Variants in RPSA2 observed in about 807,000 individuals in gnomAD.
The protein encoded by RPSA2 is small ribosomal subunit protein uS2B.
the RPSA2 span, among the ~76,000 whole-genome samples, chr19:23,862,496 A>G: frequency 6.6e-6 from 1 of 151,836 alleles, no homozygotes; most frequent in Non-Finnish European, 1.5e-5. Context: ...CCCATTCAGT[A>G]TGATATTGGC....
the RPSA2 span, among the ~76,000 whole-genome samples, chr19:23,781,633 C>T: frequency 6.6e-6 from 1 of 152,118 alleles, no homozygotes; most frequent in Non-Finnish European, 1.5e-5. Flanking sequence ...GCCACCATGC[C>T]CAGCCTAAGG....
chr19:23,766,203 AGTGCAGTG>A, the RPSA2 span, among the ~76,000 whole-genome samples: 1 of 119,514 alleles, frequency 8.4e-6, no homozygotes, highest in African/African-American at 3.3e-5. Flanking sequence ...CCCAGGCTAG[AGTGCAGTG>A]GTGCAGTCTC....
At chr19:23,839,795 C>T in the RPSA2 span, among the ~76,000 whole-genome samples, 2 of 152,196 alleles carry the variant, frequency 1.3e-5, no homozygotes, top group Non-Finnish European at 2.9e-5. Flanking sequence ...CCTGTTGCCT[C>T]CTGAACCCCT....
the RPSA2 span, among the ~76,000 whole-genome samples, chr19:23,866,016 GA>G: frequency 1.3e-5 from 2 of 152,174 alleles, no homozygotes; most frequent in Non-Finnish European, 2.9e-5. Context: ...AATGTGTGCA[GA>G]CCAGGCTAGG....
the RPSA2 span, among the ~76,000 whole-genome samples, chr19:23,816,211 TG>T: frequency 6.6e-6 from 1 of 152,140 alleles, no homozygotes; most frequent in Non-Finnish European, 1.5e-5. Flanking sequence ...CATGGCTCAC[TG>T]CAGCCTCAAC....
the RPSA2 span, among the ~76,000 whole-genome samples, chr19:23,779,832 A>G: frequency 4.6e-5 from 7 of 152,322 alleles, no homozygotes; most frequent in Non-Finnish European, 2.9e-5. Flanking sequence ...CCCAGCCACC[A>G]AGTGATGTGT....
At chr19:23,864,700 A>T in the RPSA2 span, among the ~76,000 whole-genome samples, 48,834 of 152,108 alleles carry the variant, frequency 0.32, 8,179 homozygotes, top group Non-Finnish European at 0.38. Context: ...GGTAAAATAT[A>T]TTTATAACTA....
At chr19:23,829,644 C>G in the RPSA2 span, among the ~76,000 whole-genome samples, 3 of 152,156 alleles carry the variant, frequency 2.0e-5, no homozygotes, top group Non-Finnish European at 2.9e-5. Flanking sequence ...ACCTTGGGGA[C>G]TACATATAAT....
At chr19:23,805,150 C>T in the RPSA2 span, among the ~76,000 whole-genome samples, 1 of 1,264 alleles carries the variant, frequency 7.9e-4, no homozygotes, top group Non-Finnish European at 6.9e-3. Flanking sequence ...CACACACACA[C>T]ACACACACAC....
At chr19:23,860,585 G>T in the RPSA2 span, among the ~76,000 whole-genome samples, 1 of 151,140 alleles carries the variant, frequency 6.6e-6, no homozygotes, top group Non-Finnish European at 1.5e-5. Flanking sequence ...TCAAGAAATG[G>T]TTCCCAATGC....
the RPSA2 span, chr19:23,763,041 A>T: frequency 6.6e-6 from 1 of 152,640 alleles, no homozygotes; most frequent in Non-Finnish European, 1.5e-5. Flanking sequence ...CGCGTCCTCC[A>T]CCTCGGTAGC....
At chr19:23,793,887 C>G in the RPSA2 span, among the ~76,000 whole-genome samples, 2 of 152,124 alleles carry the variant, frequency 1.3e-5, no homozygotes, top group African/African-American at 4.8e-5. Flanking sequence ...GTACCTCAGA[C>G]TTCCAAGTAG....
the RPSA2 span, among the ~76,000 whole-genome samples, chr19:23,794,293 G>A: frequency 6.6e-6 from 1 of 152,130 alleles, no homozygotes; most frequent in Non-Finnish European, 1.5e-5. Flanking sequence ...TTTTACAATG[G>A]TTGAATTAAT....
the RPSA2 span, among the ~76,000 whole-genome samples, chr19:23,858,744 C>A: frequency 2.0e-5 from 3 of 152,188 alleles, no homozygotes; most frequent in African/African-American, 7.2e-5. Context: ...CTTCCCTTGT[C>A]TTTGTAAACC....
the RPSA2 span, chr19:23,808,829 A>C: frequency 1.6e-5 from 12 of 731,738 alleles, no homozygotes; most frequent in South Asian, 1.7e-4. Flanking sequence ...GTTAGAGTGA[A>C]TACAACAGAC....
At chr19:23,831,456 TA>T in the RPSA2 span, 2 of 152,350 alleles carry the variant, frequency 1.3e-5, no homozygotes, top group African/African-American at 4.8e-5. Context: ...TATATATCTA[TA>T]AATGAATTAG....
At chr19:23,761,927 T>TCTTTCTCTCTCTC in the RPSA2 span, among the ~76,000 whole-genome samples, 1 of 62,356 alleles carries the variant, frequency 1.6e-5, no homozygotes, top group African/African-American at 7.1e-5. Flanking sequence ...TTTCTTTTTT[T>TCTTTCTCTCTCTC]TTTTTTTTGA....
chr19:23,766,936 T>G, the RPSA2 span, among the ~76,000 whole-genome samples: 3 of 151,682 alleles, frequency 2.0e-5, no homozygotes, highest in Admixed American at 1.3e-4. Context: ...TTTTTTGAAT[T>G]TTTGTTTGTT....
the RPSA2 span, among the ~76,000 whole-genome samples, chr19:23,812,542 T>A: frequency 2.0e-5 from 3 of 151,992 alleles, no homozygotes; most frequent in Non-Finnish European, 4.4e-5. Flanking sequence ...ATTACAGGCA[T>A]GTGCCACCAG....
Sources: allele counts gnomAD v4.1 joint callset (sites outside exome capture counted in the v4.1 genomes callset), GRCh38; gene constraint gnomAD v4.1.1; transcripts MANE v1.5; gene names NCBI Gene and HGNC (gene_info 2026-07-23, HGNC 2026-07-21).